ANO4: variants seen among roughly 807,000 people sequenced by gnomAD.
ANO4 encodes anoctamin-4.
A neutral mutation model predicts 141.9 loss-of-function variants in ANO4; 69 were observed. That is an observed-to-expected ratio of 0.49 (90% CI 0.40 to 0.59). ANO4 has a LOEUF of 0.59. Ranked by LOEUF, ANO4 falls within the 20% of genes least tolerant of loss-of-function variation. The pLI is 0.00. For missense variants in ANO4, 894 were observed against 1,162.2 expected, an observed-to-expected ratio of 0.77 and a Z score of 3.36; for synonymous variants, 350 against 394.3, an observed-to-expected ratio of 0.89 and a Z score of 1.33.
chr12:100,731,455 T>C (rs973389421), intron 1 of ANO4, among the ~76,000 whole-genome samples: 1 of 152,188 alleles, frequency 6.6e-6, no homozygotes, highest in Non-Finnish European at 1.5e-5. Context: ...CTGTTATCAA[T>C]ATCTCCCACT....
chr12:100,839,892 T>TA (rs1334851418), intron 1 of ANO4, among the ~76,000 whole-genome samples: 1 of 152,146 alleles, frequency 6.6e-6, no homozygotes, highest in Non-Finnish European at 1.5e-5. Flanking sequence ...AGTAATGTCT[T>TA]ACACACATAA....
intron 1 of ANO4, among the ~76,000 whole-genome samples, chr12:100,812,144 C>A (rs1335740843): frequency 1.3e-5 from 2 of 152,182 alleles, no homozygotes; most frequent in Admixed American, 6.6e-5. Context: ...TAACACTTAG[C>A]TCAGCATCTG....
intron 2 of ANO4, among the ~76,000 whole-genome samples, chr12:100,903,088 A>G (rs1023415828): frequency 2.6e-5 from 4 of 152,072 alleles, no homozygotes; most frequent in Admixed American, 6.6e-5. Flanking sequence ...TTTACTTTTG[A>G]TTGCTCTGTT....
intron 2 of ANO4, among the ~76,000 whole-genome samples, chr12:100,914,398 C>A (rs1406671612): frequency 6.6e-6 from 1 of 152,174 alleles, no homozygotes; most frequent in Non-Finnish European, 1.5e-5. Flanking sequence ...ATAGCTTTAG[C>A]CTTATAGTGA....
chr12:100,779,017 A>G (rs899016642), intron 3 of ANO4, among the ~76,000 whole-genome samples: 1 of 152,032 alleles, frequency 6.6e-6, no homozygotes, highest in African/African-American at 2.4e-5. Flanking sequence ...TTTTTGTTTA[A>G]CAGTGAGCAT....
intron 14 of ANO4, among the ~76,000 whole-genome samples, chr12:101,050,880 GC>G (rs1355276084): frequency 6.6e-6 from 1 of 152,156 alleles, no homozygotes; most frequent in Non-Finnish European, 1.5e-5. Flanking sequence ...TGGAAGTTCT[GC>G]CTTGGGCTGC....
At chr12:101,110,688 A>G in intron 23 of ANO4, 132 bp downstream of exon 23, 1 of 783,338 alleles carries the variant, frequency 1.3e-6, no homozygotes. Context: ...TGCAAAGAAT[A>G]ATTATATTAG....
chr12:100,823,665 A>AT (rs1423896218), intron 1 of ANO4, among the ~76,000 whole-genome samples: 2 of 151,978 alleles, frequency 1.3e-5, no homozygotes, highest in African/African-American at 2.4e-5. Context: ...CAGTAAATCT[A>AT]TTTTTTTCAT....
chr12:100,831,967 C>T (rs142953897), intron 1 of ANO4, among the ~76,000 whole-genome samples: 21 of 152,130 alleles, frequency 1.4e-4, no homozygotes, highest in African/African-American at 4.1e-4. Context: ...ATAAATGTAG[C>T]GGGCTGGTAC....
intron 8 of ANO4, among the ~76,000 whole-genome samples, chr12:101,015,222 C>A (rs2046266192): frequency 6.6e-6 from 1 of 152,148 alleles, no homozygotes; most frequent in African/African-American, 2.4e-5. Flanking sequence ...ATCCAGCCAC[C>A]CAGTTCTCCC....
chr12:100,785,869 A>G (rs567793745), intron 3 of ANO4, among the ~76,000 whole-genome samples: 3 of 152,290 alleles, frequency 2.0e-5, no homozygotes, highest in Admixed American at 2.0e-4. Context: ...CCAGCAATGC[A>G]GATTTAGGAG....
At chr12:101,057,585 G>A (rs1327354865) in intron 14 of ANO4, among the ~76,000 whole-genome samples, 2 of 152,110 alleles carry the variant, frequency 1.3e-5, no homozygotes, top group Non-Finnish European at 2.9e-5. Flanking sequence ...ATCTCATTGT[G>A]GTTTTGATTT....
At chr12:100,898,556 A>G (rs1456391946) in intron 1 of ANO4, among the ~76,000 whole-genome samples, 1 of 152,036 alleles carries the variant, frequency 6.6e-6, no homozygotes, top group African/African-American at 2.4e-5. Flanking sequence ...TTCTTGAATT[A>G]TTTTTTATTT....
chr12:101,091,621 C>T (rs1455411051), intron 17 of ANO4, among the ~76,000 whole-genome samples: 1 of 152,126 alleles, frequency 6.6e-6, no homozygotes, highest in Non-Finnish European at 1.5e-5. Flanking sequence ...AGATTTTTTA[C>T]AGCTGTCTAT....
chr12:100,950,044 C>T (rs540047397), intron 5 of ANO4, among the ~76,000 whole-genome samples: 5 of 152,242 alleles, frequency 3.3e-5, no homozygotes, highest in African/African-American at 1.2e-4. Flanking sequence ...TTATATACTG[C>T]AGCCACATCC....
At chr12:100,725,224 T>C (rs894774821) in intron 1 of ANO4, among the ~76,000 whole-genome samples, 1 of 152,192 alleles carries the variant, frequency 6.6e-6, no homozygotes, top group Non-Finnish European at 1.5e-5. Context: ...TTTGTAAAAT[T>C]TCTCCTTACT....
chr12:100,725,388 C>G (rs557564063), intron 1 of ANO4, among the ~76,000 whole-genome samples: 1 of 149,400 alleles, frequency 6.7e-6, no homozygotes, highest in East Asian at 2.0e-4. Context: ...ACTCTGTCAC[C>G]CAGGCTGGAG....
intron 4 of ANO4, among the ~76,000 whole-genome samples, chr12:100,941,884 C>T (rs2042531851): frequency 6.6e-6 from 1 of 151,472 alleles, no homozygotes; most frequent in Non-Finnish European, 1.5e-5. Flanking sequence ...CTCAATGCTT[C>T]TTCCAATTTT....
At chr12:100,999,213 A>G (rs527797304) in intron 8 of ANO4, among the ~76,000 whole-genome samples, 5 of 152,338 alleles carry the variant, frequency 3.3e-5, no homozygotes, top group South Asian at 4.1e-4. Flanking sequence ...TAATTAAGGT[A>G]TGTCAAGGCT....
Sources: gnomAD v4.1 joint callset for allele counts (sites outside exome capture counted in the v4.1 genomes callset) on GRCh38, gnomAD v4.1.1 for gene constraint, MANE v1.5 for transcripts, NCBI Gene and HGNC (gene_info 2026-07-23, HGNC 2026-07-21) for gene names.